The following PDE4D variants were observed in gnomAD, a reference collection of about 807,000 sequenced individuals.
PDE4D encodes phosphodiesterase 4D.
In PDE4D, 24 loss-of-function variants were observed where a neutral mutation model predicts 87.4. The observed-to-expected ratio is 0.27, with a 90% CI of 0.20 to 0.39. The LOEUF (loss-of-function observed/expected upper bound fraction) is 0.39. Ranked by LOEUF, PDE4D falls within the 10% of genes least tolerant of loss-of-function variation. PDE4D has a pLI of 1.00. For synonymous variants in PDE4D, 384 were observed against 383.2 expected (o/e 1.00, Z -0.02); for missense variants, 714 against 1,041.0 (o/e 0.69, Z 4.32).
intron 1 of PDE4D, among the ~76,000 whole-genome samples, chr5:60,476,124 CAAGT>C (rs1561297820): frequency 6.6e-6 from 1 of 152,128 alleles, no homozygotes; most frequent in Non-Finnish European, 1.5e-5. Context: ...TTCCTCATTC[CAAGT>C]AATAACTGTA....
At chr5:59,035,783 C>T (rs368108748) in intron 6 of PDE4D, among the ~76,000 whole-genome samples, 4 of 152,180 alleles carry the variant, frequency 2.6e-5, no homozygotes, top group African/African-American at 9.7e-5. Context: ...TGAGACCTCA[C>T]TAAAATTACC....
chr5:60,127,729 A>G (rs766403849), intron 2 of PDE4D: 1 of 567,796 alleles, frequency 1.8e-6, no homozygotes, highest in South Asian at 2.3e-5. Context: ...TGGATCTAAA[A>G]TGCCTCTGAA....
At chr5:60,326,302 C>T (rs1756789191) in intron 1 of PDE4D, among the ~76,000 whole-genome samples, 1 of 152,002 alleles carries the variant, frequency 6.6e-6, no homozygotes, top group Admixed American at 6.6e-5. Context: ...TATGAGTGGC[C>T]CAGTTTCTCC....
At chr5:59,499,817 G>A (rs186770385) in intron 1 of PDE4D, among the ~76,000 whole-genome samples, 87 of 150,814 alleles carry the variant, frequency 5.8e-4, no homozygotes, top group Middle Eastern at 3.4e-3. Context: ...GAACCAAATG[G>A]ATTCACAGCT....
intron 1 of PDE4D, among the ~76,000 whole-genome samples, chr5:59,845,272 T>C (rs1743665492): frequency 6.6e-6 from 1 of 152,090 alleles, no homozygotes; most frequent in South Asian, 2.1e-4. Flanking sequence ...AGAAAACCAA[T>C]GCATTCCCTT....
chr5:59,370,675 A>G (rs1783802271), intron 1 of PDE4D, among the ~76,000 whole-genome samples: 1 of 152,146 alleles, frequency 6.6e-6, no homozygotes, highest in African/African-American at 2.4e-5. Flanking sequence ...TCCTCCCCAC[A>G]AAAAATTAAA....
intron 2 of PDE4D, among the ~76,000 whole-genome samples, chr5:60,152,907 G>C (rs1000519092): frequency 2.6e-5 from 4 of 152,126 alleles, no homozygotes; most frequent in African/African-American, 9.7e-5. Context: ...AGCATCAATT[G>C]TACCATCTCT....
chr5:59,529,736 G>T, intron 1 of PDE4D, among the ~76,000 whole-genome samples: 1 of 151,912 alleles, frequency 6.6e-6, no homozygotes, highest in East Asian at 1.9e-4. Flanking sequence ...ATGACCAAAA[G>T]GTTTGATAAA....
chr5:59,010,922 G>A (rs1485739476), intron 6 of PDE4D, among the ~76,000 whole-genome samples: 1 of 152,170 alleles, frequency 6.6e-6, no homozygotes, highest in African/African-American at 2.4e-5. Flanking sequence ...CATACAGCCA[G>A]ATGCCCCTCT....
At chr5:60,273,645 T>C (rs937421489) in intron 1 of PDE4D, among the ~76,000 whole-genome samples, 3 of 152,008 alleles carry the variant, frequency 2.0e-5, no homozygotes, top group Non-Finnish European at 4.4e-5. Flanking sequence ...AGAGGCAAAA[T>C]GGTGAAAAGT....
At chr5:59,255,600 A>T (rs1760824272) in intron 1 of PDE4D, among the ~76,000 whole-genome samples, 2 of 152,246 alleles carry the variant, frequency 1.3e-5, no homozygotes, top group South Asian at 2.1e-4. Context: ...TGTGAGTTAT[A>T]TCTCAACAAA....
chr5:59,962,316 A>AAC (rs1348958103), intron 3 of PDE4D, among the ~76,000 whole-genome samples: 1 of 152,170 alleles, frequency 6.6e-6, no homozygotes, highest in Non-Finnish European at 1.5e-5. Context: ...TAATCAAACT[A>AAC]ACACACATTG....
At chr5:59,253,296 A>G (rs1331939765) in intron 1 of PDE4D, among the ~76,000 whole-genome samples, 1 of 152,208 alleles carries the variant, frequency 6.6e-6, no homozygotes, top group African/African-American at 2.4e-5. Context: ...ACTGTTTGAA[A>G]GGAATACATT....
intron 6 of PDE4D, among the ~76,000 whole-genome samples, chr5:59,023,777 A>C (rs1400862924): frequency 1.3e-5 from 2 of 152,228 alleles, no homozygotes; most frequent in African/African-American, 4.8e-5. Context: ...TTAGAAGGTA[A>C]GGTAAATACT....
intron 3 of PDE4D, among the ~76,000 whole-genome samples, chr5:59,904,327 T>C (rs1256972173): frequency 6.6e-6 from 1 of 152,126 alleles, no homozygotes; most frequent in Non-Finnish European, 1.5e-5. Context: ...ACTCCAGGAC[T>C]CCAAACTAGA....
At chr5:59,458,677 C>A (rs74559843) in intron 1 of PDE4D, among the ~76,000 whole-genome samples, 5,750 of 152,256 alleles carry the variant, frequency 0.038, 329 homozygotes, top group East Asian at 0.13. Flanking sequence ...ACCTTGTTAA[C>A]CTACAACGAT....
At chr5:59,571,716 A>G (rs1400822628) in intron 1 of PDE4D, among the ~76,000 whole-genome samples, 1 of 152,206 alleles carries the variant, frequency 6.6e-6, no homozygotes, top group African/African-American at 2.4e-5. Flanking sequence ...TAATAAGAAA[A>G]TGAAAAAGTG....
intron 1 of PDE4D, among the ~76,000 whole-genome samples, chr5:59,303,710 G>T (rs1770717676): frequency 6.6e-6 from 1 of 151,862 alleles, no homozygotes; most frequent in Non-Finnish European, 1.5e-5. Context: ...AAGTATTTGG[G>T]TTTATCTCCG....
At position 60,340,626 on chromosome 5, in the gene PDE4D, AC is replaced by A. The variant is rs576375406; in HGVS notation, c.-90+147315del. On this transcript the variant is annotated intron_variant, in intron 1 of 16. Transcript: ENST00000502484. The stretch of plus-strand genomic sequence containing the variant: ...ATCATTTAAAAAAAAAAAAAAAAAA[AC>A]CACAAGTACTCTCATTTGCGGCCAA... Among the ~76,000 whole-genome samples, 251 of 134,066 alleles carry A rather than the reference AC, an allele frequency of 1.9e-3. 2 individuals carry two copies. In the Middle Eastern group the frequency reaches 0.026, roughly 14 times the overall value. The allele number at this position is 134,066 out of a possible 152,430, so 88.0% of individuals were successfully genotyped here.
Sources: allele counts gnomAD v4.1 joint callset (sites outside exome capture counted in the v4.1 genomes callset), GRCh38; gene constraint gnomAD v4.1.1; transcripts MANE v1.5; gene names NCBI Gene and HGNC (gene_info 2026-07-23, HGNC 2026-07-21).